The following FRMD4A variants were observed in gnomAD, a reference collection of about 807,000 sequenced individuals.
The protein encoded by FRMD4A is FERM domain containing 4A.
Under a neutral mutation model 129.1 loss-of-function variants are expected in FRMD4A, and 29 were observed. The observed-to-expected ratio is 0.22, with a 90% CI of 0.17 to 0.31. The LOEUF is 0.31. Ranked by LOEUF, FRMD4A falls within the 10% of genes least tolerant of loss-of-function variation. The probability of loss-of-function intolerance (pLI) is 1.00; values close to 1 mark genes in which losing one functional copy is unlikely to be tolerated. For missense variants in FRMD4A, 1,272 were observed against 1,375.8 expected, an observed-to-expected ratio of 0.92 and a Z score of 1.19; for synonymous variants, 634 against 571.6, an observed-to-expected ratio of 1.11 and a Z score of -1.56.
chr10:14,239,987 C>A (rs1412079261), intron 2 of FRMD4A, among the ~76,000 whole-genome samples: 2 of 152,178 alleles, frequency 1.3e-5, no homozygotes, highest in Non-Finnish European at 2.9e-5. Flanking sequence ...TGCATTACAT[C>A]ATGAGATACT....
At position 14,128,949 on chromosome 10, in the gene FRMD4A, C is replaced by T. The variant is rs141041104; in HGVS notation, c.45+201109G>A. Among the ~76,000 whole-genome samples, 389 of 152,242 alleles carry T rather than the reference C, an allele frequency of 2.6e-3. 3 individuals are homozygous for T. Among genetic ancestry groups the T allele is most frequent in the African/African-American group, 8.1e-3 (338 of 41,546 alleles). On this transcript the variant is annotated intron_variant, in intron 2 of 24. Coordinates refer to ENST00000357447, the MANE Select transcript of FRMD4A (RefSeq NM_018027.5). The stretch of plus-strand genomic sequence containing the variant: ...TGGATGGGTGCCTGGATGGAAGGCA[C>T]GCTGGTCCTGGAGACAGACTCAACT...
At chr10:13,665,315 CCT>C (rs1364261127) in intron 18 of FRMD4A, among the ~76,000 whole-genome samples, 2 of 152,182 alleles carry the variant, frequency 1.3e-5, no homozygotes, top group East Asian at 3.9e-4. Context: ...AGCAGTAACT[CCT>C]CATTCCCCTG....
chr10:13,791,223 G>A (rs983405286), intron 5 of FRMD4A, among the ~76,000 whole-genome samples: 11 of 152,138 alleles, frequency 7.2e-5, no homozygotes, highest in Admixed American at 5.2e-4. Context: ...TGAGTATCTG[G>A]GACCTGAAGC....
At chr10:13,867,698 TATATAATAAATAA>T (rs2094386823) in intron 2 of FRMD4A, among the ~76,000 whole-genome samples, 3 of 4,392 alleles carry the variant, frequency 6.8e-4, no homozygotes, top group African/African-American at 9.5e-4. Flanking sequence ...TATAATATAA[TATATAATAAATAA>T]CATATAATAT....
At chr10:13,741,864 G>A (rs1224494766) in intron 9 of FRMD4A, among the ~76,000 whole-genome samples, 1 of 152,108 alleles carries the variant, frequency 6.6e-6, no homozygotes, top group African/African-American at 2.4e-5. Flanking sequence ...AGGTGTTTTT[G>A]TTTTTGTTTT....
chr10:14,312,980 G>GTAGT (rs1391581221), intron 2 of FRMD4A, among the ~76,000 whole-genome samples: 1 of 152,188 alleles, frequency 6.6e-6, no homozygotes, highest in African/African-American at 2.4e-5. Context: ...AAAGTATTAA[G>GTAGT]AATCTGGAGT....
chr10:14,264,768 C>A (rs1844919631), intron 2 of FRMD4A, among the ~76,000 whole-genome samples: 1 of 152,074 alleles, frequency 6.6e-6, no homozygotes, highest in African/African-American at 2.4e-5. Context: ...AACATTATCC[C>A]AAGTCTTGGA....
At chr10:14,251,497 G>C (rs1021391615) in intron 2 of FRMD4A, among the ~76,000 whole-genome samples, 1 of 152,166 alleles carries the variant, frequency 6.6e-6, no homozygotes, top group African/African-American at 2.4e-5. Flanking sequence ...GAATGATCTT[G>C]AAGCAGAAGT....
intron 19 of FRMD4A, 23 bp from the exon 20 acceptor site, chr10:13,660,576 G>A (rs2082559796): frequency 6.9e-7 from 1 of 1,443,730 alleles, no homozygotes; most frequent in Non-Finnish European, 9.6e-7. Flanking sequence ...AGGAAGAGAG[G>A]AACTGAGCCC....
intron 2 of FRMD4A, among the ~76,000 whole-genome samples, chr10:14,053,951 G>A (rs1405260894): frequency 6.6e-6 from 1 of 152,122 alleles, no homozygotes; most frequent in Non-Finnish European, 1.5e-5. Flanking sequence ...AGGCTGCAGT[G>A]AGTTATGATC....
intron 2 of FRMD4A, among the ~76,000 whole-genome samples, chr10:14,039,403 C>CT (rs1565204547): frequency 6.4e-5 from 9 of 141,304 alleles, no homozygotes; most frequent in African/African-American, 2.4e-4. Flanking sequence ...TCCATCCATC[C>CT]ATCCATCTAT....
intron 2 of FRMD4A, among the ~76,000 whole-genome samples, chr10:13,872,570 C>T (rs1470752325): frequency 6.6e-6 from 1 of 152,238 alleles, no homozygotes; most frequent in African/African-American, 2.4e-5. Context: ...ACAGCACATG[C>T]GTTCACGCAG....
intron 2 of FRMD4A, among the ~76,000 whole-genome samples, chr10:14,193,491 CA>C (rs1842382150): frequency 6.9e-6 from 1 of 143,908 alleles, no homozygotes; most frequent in African/African-American, 2.5e-5. Flanking sequence ...CACACACACA[CA>C]GAGTGTGCAA....
At chr10:14,048,582 G>A (rs1223337480) in intron 2 of FRMD4A, among the ~76,000 whole-genome samples, 1 of 152,098 alleles carries the variant, frequency 6.6e-6, no homozygotes, top group African/African-American at 2.4e-5. Flanking sequence ...AAGGCAGGCG[G>A]ATCACTTGAG....
intron 2 of FRMD4A, among the ~76,000 whole-genome samples, chr10:14,078,623 T>A (rs1008863700): frequency 6.6e-6 from 1 of 152,246 alleles, no homozygotes; most frequent in African/African-American, 2.4e-5. Flanking sequence ...TGTTTTCTCA[T>A]GTGAGCCTCA....
intron 2 of FRMD4A, among the ~76,000 whole-genome samples, chr10:13,871,493 A>T (rs771259184): frequency 6.6e-6 from 1 of 152,210 alleles, no homozygotes; most frequent in Non-Finnish European, 1.5e-5. Flanking sequence ...ACAGATACTG[A>T]TTTGTGCAGA....
chr10:13,778,972 T>C (rs2092671793), intron 6 of FRMD4A, among the ~76,000 whole-genome samples: 1 of 151,872 alleles, frequency 6.6e-6, no homozygotes, highest in African/African-American at 2.4e-5. Context: ...AATAAAACAC[T>C]TTTTAGAAAA....
chr10:14,098,467 G>A (rs1034887618), intron 2 of FRMD4A, among the ~76,000 whole-genome samples: 3 of 151,174 alleles, frequency 2.0e-5, no homozygotes, highest in African/African-American at 4.9e-5. Context: ...GCACTGGCAC[G>A]ATCTTGGCTC....
intron 2 of FRMD4A, among the ~76,000 whole-genome samples, chr10:14,097,980 ATAT>A (rs1837071805): frequency 6.9e-6 from 1 of 144,252 alleles, no homozygotes; most frequent in Admixed American, 7.1e-5. Context: ...TACAAATTAT[ATAT>A]TATATAAATT....
Sources: gnomAD v4.1 joint callset for allele counts (sites outside exome capture counted in the v4.1 genomes callset) on GRCh38, gnomAD v4.1.1 for gene constraint, MANE v1.5 for transcripts, NCBI Gene and HGNC (gene_info 2026-07-23, HGNC 2026-07-21) for gene names.